Variants in SCARA3 observed in about 807,000 individuals in gnomAD.
SCARA3 encodes the protein cellular stress response gene protein.
In SCARA3, 39 loss-of-function variants were observed where a neutral mutation model predicts 47.0. The ratio of observed to expected loss-of-function variants is 0.83; its 90% CI spans 0.64 to 1.08. The LOEUF is 1.08. SCARA3 is among the 50% of genes least tolerant of loss of function. The pLI is 0.00. For synonymous variants in SCARA3, 356 were observed against 334.1 expected (o/e 1.07, Z -0.71); for missense variants, 724 against 792.3 (o/e 0.91, Z 1.04).
intron 1 of SCARA3, among the ~76,000 whole-genome samples, chr8:27,642,215 A>C (rs1801397226): frequency 1.3e-5 from 2 of 152,176 alleles, no homozygotes; most frequent in South Asian, 4.1e-4. Flanking sequence ...TGAAACACTG[A>C]TTTCTTGTAA....
At position 27,671,594 on chromosome 8, in the gene SCARA3, A is replaced by G. The variant is rs1802160114; in HGVS notation, c.*243A>G. 1 of 1,243,184 alleles carries G rather than the reference A, an allele frequency of 8.0e-7. No homozygotes were observed. The allele number at this position is 1,243,184 out of a possible 1,614,324, so 77.0% of individuals were successfully genotyped here. On this transcript the variant is annotated 3_prime_UTR_variant, in exon 6 of 6. Transcript: ENST00000301904. ...TGCACACACATGCACACATACACGCACATGCACACATACACATGCATGCAC... is the reference window on the plus strand; with the variant it reads ...TGCACACACATGCACACATACACGCGCATGCACACATACACATGCATGCAC...
At chr8:27,686,831 T>C in the SCARA3 span, among the ~76,000 whole-genome samples, 3 of 152,184 alleles carry the variant, frequency 2.0e-5, no homozygotes, top group Non-Finnish European at 4.4e-5. Flanking sequence ...GTGCAGGATG[T>C]GCAGGTTTGT....
At chr8:27,642,773 A>C (rs1489889044) in intron 1 of SCARA3, among the ~76,000 whole-genome samples, 1 of 152,182 alleles carries the variant, frequency 6.6e-6, no homozygotes, top group Non-Finnish European at 1.5e-5. Context: ...GCACTGAGCC[A>C]TGATCGCACC....
chr8:27,659,304 G>C lies in SCARA3; in HGVS notation c.1134G>C (p.Leu378=). The C allele has an allele frequency of 1.2e-6, 2 of 1,613,984 alleles. No homozygotes were observed. Among genetic ancestry groups the C allele is most frequent in the East Asian group, 2.2e-5 (1 of 44,870 alleles). Reference sequence around the variant, plus strand: ...ACGTGCACAGCATGCTCAAGTACCTGGATGACGTGCGGCTCTCCTGCACGC... The same window carrying C: ...ACGTGCACAGCATGCTCAAGTACCTCGATGACGTGCGGCTCTCCTGCACGC... ...DNHVHSMLKY[L]DDVRLSCTLG... The change falls in exon 5 of 6, where the codon CTG becomes CTC. Residue 378 remains leucine (L), a synonymous_variant. Coordinates refer to ENST00000301904, the MANE Select transcript of SCARA3 (RefSeq NM_016240.3).
At chr8:27,656,354 G>A (rs889064466) in intron 3 of SCARA3, among the ~76,000 whole-genome samples, 2 of 152,078 alleles carry the variant, frequency 1.3e-5, no homozygotes, top group Non-Finnish European at 2.9e-5. Context: ...GCATCCACTG[G>A]GGGTCTTGGA....
chr8:27,703,844 C>CTTTTTT, the SCARA3 span: 21 of 54,548 alleles, frequency 3.8e-4, 2 homozygotes, highest in African/African-American at 4.6e-4. Flanking sequence ...GTGCTTTCTA[C>CTTTTTT]TTTTTTTTTT....
chr8:27,712,879 C>A, the SCARA3 span, among the ~76,000 whole-genome samples: 6 of 151,224 alleles, frequency 4.0e-5, no homozygotes, highest in African/African-American at 1.5e-4. Context: ...GAAAAAAAAA[C>A]CTCAAACTCA....
chr8:27,664,614 G>A (rs2128922375), intron 5 of SCARA3, among the ~76,000 whole-genome samples: 1 of 152,300 alleles, frequency 6.6e-6, no homozygotes, highest in African/African-American at 2.4e-5. Flanking sequence ...GGGGCAGGGA[G>A]TGGGGAAGAG....
At chr8:27,646,429 A>T (rs1453329809) in intron 1 of SCARA3, among the ~76,000 whole-genome samples, 35 of 152,122 alleles carry the variant, frequency 2.3e-4, no homozygotes, top group Admixed American at 2.3e-3. Context: ...GCCTTGCTTG[A>T]TTTAAGTCAT....
intron 5 of SCARA3, among the ~76,000 whole-genome samples, chr8:27,663,585 G>A (rs1801957366): frequency 6.6e-6 from 1 of 152,234 alleles, no homozygotes; most frequent in African/African-American, 2.4e-5. Flanking sequence ...CAGAACACTG[G>A]TCACTTGGTT....
intron 3 of SCARA3, among the ~76,000 whole-genome samples, chr8:27,653,334 C>A (rs985439964): frequency 6.6e-6 from 1 of 152,194 alleles, no homozygotes; most frequent in Non-Finnish European, 1.5e-5. Context: ...CGGGAGGGTA[C>A]AGACCTGGGA....
the SCARA3 span, among the ~76,000 whole-genome samples, chr8:27,695,752 A>G: frequency 1.7e-3 from 261 of 152,304 alleles, 1 homozygote; most frequent in Non-Finnish European, 2.9e-3. Context: ...TAAAACGTTT[A>G]TTGAATGAAT....
the SCARA3 span, among the ~76,000 whole-genome samples, chr8:27,714,642 A>G: frequency 4.6e-5 from 7 of 152,202 alleles, no homozygotes; most frequent in Non-Finnish European, 1.0e-4. Context: ...CTATATTTAT[A>G]TTTATTTTGA....
chr8:27,647,997 C>G (rs1042546949), intron 1 of SCARA3, among the ~76,000 whole-genome samples: 1 of 152,214 alleles, frequency 6.6e-6, no homozygotes, highest in Non-Finnish European at 1.5e-5. Flanking sequence ...TGGTCAGGAG[C>G]CCCCGAGGCT....
Position 27,671,654 on chromosome 8 carries a change from G to A in SCARA3, c.*303G>A. The A allele has an allele frequency of 1.8e-6, 2 of 1,091,596 alleles. No homozygotes were observed. Among genetic ancestry groups the A allele is most frequent in the Non-Finnish European group, 2.2e-6 (2 of 895,676 alleles). The allele number at this position is 1,091,596 out of a possible 1,614,324, so 67.6% of individuals were successfully genotyped here. ...GGCATACATGCATGCACACACACATGCACGCACACACACATGCACACATAC... is the reference window on the plus strand; with the variant it reads ...GGCATACATGCATGCACACACACATACACGCACACACACATGCACACATAC... On this transcript the variant is annotated 3_prime_UTR_variant, in exon 6 of 6. Transcript: ENST00000301904.
At chr8:27,646,273 A>T (rs35581080) in intron 1 of SCARA3, among the ~76,000 whole-genome samples, 5 of 152,132 alleles carry the variant, frequency 3.3e-5, no homozygotes, top group Non-Finnish European at 7.4e-5. Context: ...TTCCCTTCCC[A>T]TGGGTCACTC....
At chr8:27,648,385 T>A (rs1801553355) in intron 1 of SCARA3, among the ~76,000 whole-genome samples, 1 of 152,206 alleles carries the variant, frequency 6.6e-6, no homozygotes, top group South Asian at 2.1e-4. Flanking sequence ...GGTGGGTGGA[T>A]CACGGTCAGG....
chr8:27,639,552 G>A (rs956295456), intron 1 of SCARA3, among the ~76,000 whole-genome samples: 1 of 152,052 alleles, frequency 6.6e-6, no homozygotes, highest in African/African-American at 2.4e-5. Context: ...TGCAGTTGAG[G>A]GAGCCCTAAG....
the SCARA3 span, among the ~76,000 whole-genome samples, chr8:27,693,106 CAG>C: frequency 3.7e-5 from 5 of 133,672 alleles, no homozygotes; most frequent in Non-Finnish European, 7.8e-5. Flanking sequence ...GCCTGGGGAA[CAG>C]AGAGAGACTC....
Sources: gnomAD v4.1 joint callset for allele counts (sites outside exome capture counted in the v4.1 genomes callset) on GRCh38, gnomAD v4.1.1 for gene constraint, MANE v1.5 for transcripts, NCBI Gene and HGNC (gene_info 2026-07-23, HGNC 2026-07-21) for gene names.